Variants in ZFP36 observed in about 807,000 individuals in gnomAD.
ZFP36 encodes mRNA decay activator protein ZFP36.
In ZFP36, 13 loss-of-function variants were observed where a neutral mutation model predicts 19.8. The observed-to-expected ratio is 0.66, with a 90% CI of 0.43 to 1.04. ZFP36 has a LOEUF of 1.04. Among genes scored for constraint, ZFP36 ranks in the 50% least tolerant of loss-of-function variants. ZFP36 has a pLI of 0.00. For synonymous variants in ZFP36, 191 were observed against 194.5 expected (o/e 0.98, Z 0.15); for missense variants, 354 against 441.6 (o/e 0.80, Z 1.78).
chr19:39,409,043 C>G lies in ZFP36; in HGVS notation c.*344C>G, dbSNP rs1170476579. On this transcript the variant is annotated 3_prime_UTR_variant, in exon 2 of 2. Transcript: ENST00000597629. ...ATGTGCTGTGAATAATAGGCCTTCA[C>G]TGCCCCTCCAGTTTTTATAGACCTG... 5.4e-6 allele frequency: 1 copy of G among 183,712 alleles called. No individual in the cohort carries two copies. The highest frequency in any genetic ancestry group is 1.1e-5 in the Non-Finnish European group (1 of 88,922). 11.4% of individuals were successfully genotyped at this position (183,712 alleles called of 1,614,324 possible).
chr19:39,409,204 C>CT lies in ZFP36; in HGVS notation c.*508dup, dbSNP rs2078493348. On this transcript the variant is annotated 3_prime_UTR_variant, in exon 2 of 2. Coordinates refer to ENST00000597629, the MANE Select transcript of ZFP36 (RefSeq NM_003407.5). ...TCAATGGGCCCTTTATTTATGACGA[C>CT]TTTATTTATTCTAATATGATTTTAT... 6.6e-6 allele frequency: 1 copy of CT among 152,552 alleles called. No homozygotes were observed. Among genetic ancestry groups the CT allele is most frequent in the Admixed American group, 6.6e-5 (1 of 15,242 alleles). The allele number at this position is 152,552 out of a possible 1,614,324, so 9.4% of individuals were successfully genotyped here.
chr19:39,407,643 C>T lies in ZFP36; in HGVS notation c.25-100C>T, dbSNP rs1358550286. On this transcript the variant is annotated intron_variant, in intron 1 of 1. Transcript: ENST00000597629. This position sits in a 1 kb window ranked among gnomAD's most constrained non-coding sequence, Gnocchi z 7.6. ...TTTCTGCGGGCGGGTGGGGCTCAGG[C>T]GGGGAGCCCACAAACCGGCCTGGCA... 5.4e-6 allele frequency: 6 copies of T among 1,114,924 alleles called. No homozygotes were observed. The highest frequency in any genetic ancestry group is 1.6e-5 in the African/African-American group (1 of 63,094). The allele number at this position is 1,114,924 out of a possible 1,614,324, so 69.1% of individuals were successfully genotyped here.
In ZFP36 at chr19:39,406,863, T is replaced by C. The variant is rs752411490; in HGVS notation, c.-42T>C. ...GCCAGCCTCAGCCTGACTTCAGCGC[T>C]CCCACTCTCGGCCGACACCCCTCAT... On this transcript the variant is annotated 5_prime_UTR_variant, in exon 1 of 2. Transcript: ENST00000597629. The C allele has an allele frequency of 1.9e-6, 3 of 1,573,286 alleles. No individual in the cohort carries two copies. The highest frequency in any genetic ancestry group is 2.6e-6 in the Non-Finnish European group (3 of 1,160,842).
Position 39,407,733 on chromosome 19 carries a change from A to G in ZFP36, c.25-10A>G, listed in dbSNP as rs1023563661. On this transcript the variant is annotated splice_polypyrimidine_tract_variant and intron_variant, in intron 1 of 1. Transcript: ENST00000597629. The surrounding 1 kb of genome is among the most constrained non-coding windows in gnomAD (Gnocchi z 7.6). ...CATTTTCAGGTGCCTTAACCGACCC[A>G]TTTCCGCAGAGCCTCCTGTCGCTGA... 22 of 1,520,314 alleles carry G rather than the reference A, an allele frequency of 1.4e-5. No individual in the cohort carries two copies. In the Admixed American group the frequency reaches 2.4e-4, roughly 17 times the overall value. 94.2% of individuals were successfully genotyped at this position (1,520,314 alleles called of 1,614,324 possible). A position where few individuals can be genotyped will look rare whatever the true frequency, so the allele number is the denominator to read the frequency against.
At position 39,408,450 on chromosome 19, in the gene ZFP36, C is replaced by A; in HGVS notation, c.732C>A (p.Asp244Glu). 6.2e-7 allele frequency: 1 copy of A among 1,611,096 alleles called. No homozygotes were observed. Among genetic ancestry groups the A allele is most frequent in the Non-Finnish European group, 8.5e-7 (1 of 1,178,284 alleles). The change falls in exon 2 of 2, where the codon GAC becomes GAA. Residue 244 changes from aspartate to glutamate, a missense_variant. Transcript: ENST00000597629. This position sits in a 1 kb window ranked among gnomAD's most constrained non-coding sequence, Gnocchi z 6.0. ...CTGGCACCCCCCTGGCTCGAAGAGA[C>A]CCCACCCCAGTCTGTTGCCCCTCCT... ...AAPGTPLARR[D>E]PTPVCCPSCR...
In ZFP36 at chr19:39,408,709, T is replaced by C. The variant is rs1600634983; in HGVS notation, c.*10T>C. The C allele has an allele frequency of 6.5e-7, 1 of 1,549,008 alleles. No homozygotes were observed. The highest frequency in any genetic ancestry group is 2.2e-5 in the East Asian group (1 of 44,618). On this transcript the variant is annotated 3_prime_UTR_variant, in exon 2 of 2. Coordinates refer to ENST00000597629, the MANE Select transcript of ZFP36 (RefSeq NM_003407.5). This position sits in a 1 kb window ranked among gnomAD's most constrained non-coding sequence, Gnocchi z 6.0. The stretch of plus-strand genomic sequence containing the variant: ...CTCTGTTTCTGAGTGACAAAGTGAC[T>C]GCCCGGTCAGATCAGCTGGATCTCA...
chr19:39,408,363 C>G lies in ZFP36; in HGVS notation c.645C>G (p.Pro215=), dbSNP rs149138506. 2.5e-5 allele frequency: 40 copies of G among 1,613,650 alleles called. No individual in the cohort carries two copies. The highest frequency in any genetic ancestry group is 3.3e-5 in the Non-Finnish European group (39 of 1,179,966). ...GPSLSSSSFS[P]SSSPPPPGDL... ...CCCTGTCCTCCAGCTCCTTCTCGCC[C>G]TCCAGCTCCCCACCACCACCTGGGG... The change falls in exon 2 of 2, where the codon CCC becomes CCG. Residue 215 remains proline, a synonymous_variant. Coordinates refer to ENST00000597629, the MANE Select transcript of ZFP36 (RefSeq NM_003407.5). This position sits in a 1 kb window ranked among gnomAD's most constrained non-coding sequence, Gnocchi z 6.0.
At position 39,407,372 on chromosome 19, in the gene ZFP36, A is replaced by G. The variant is rs2078482457; in HGVS notation, c.25-371A>G. On this transcript the variant is annotated intron_variant, in intron 1 of 1. Transcript: ENST00000597629. The surrounding 1 kb of genome is among the most constrained non-coding windows in gnomAD (Gnocchi z 7.6). ...GACAGAGAACCCTAAAACCGAAGCA[A>G]TCCGGACTTCCAGGTCAACTTTGCC... is the stretch of plus-strand genomic sequence containing the variant. 2.4e-6 allele frequency: 1 copy of G among 412,338 alleles called. No individual in the cohort carries two copies. The allele number at this position is 412,338 out of a possible 1,614,324, so 25.5% of individuals were successfully genotyped here.
At position 39,407,035 on chromosome 19, in the gene ZFP36, A is replaced by C; in HGVS notation, c.24+107A>C. On this transcript the variant is annotated intron_variant, in intron 1 of 1. Transcript: ENST00000597629. This position sits in a 1 kb window ranked among gnomAD's most constrained non-coding sequence, Gnocchi z 7.6. The stretch of plus-strand genomic sequence containing the variant: ...CCGGGACGCTTGCCTCCCTTCTCCA[A>C]CTGGGGCTCCCTAGCGCCGCGCCCT... 1 of 1,401,786 alleles carries C rather than the reference A, an allele frequency of 7.1e-7. No homozygotes were observed. Among genetic ancestry groups the C allele is most frequent in the Non-Finnish European group, 9.7e-7 (1 of 1,032,162 alleles). 86.8% of individuals were successfully genotyped at this position (1,401,786 alleles called of 1,614,324 possible). A position where few individuals can be genotyped will look rare whatever the true frequency, so the allele number is the denominator to read the frequency against.
Position 39,408,087 on chromosome 19 carries a change from G to C in ZFP36, c.369G>C (p.Lys123Asn). The change falls in exon 2 of 2, where the codon AAG becomes AAC. Residue 123 changes from lysine (K) to asparagine (N), a missense_variant. Physicochemically the swap from Lys to Asn is moderately conservative, Grantham distance 94. Transcript: ENST00000597629. This position sits in a 1 kb window ranked among gnomAD's most constrained non-coding sequence, Gnocchi z 6.0. Reference sequence around the variant, plus strand: ...GTGGGCGCTGCCGCTACGGGGCCAAGTGCCAGTTTGCCCATGGCCTGGGCG... The same window carrying C: ...GTGGGCGCTGCCGCTACGGGGCCAACTGCCAGTTTGCCCATGGCCTGGGCG... Reference protein sequence around the residue: ...SESGRCRYGAKCQFAHGLGEL... With the variant: ...SESGRCRYGANCQFAHGLGEL... 6.2e-7 allele frequency: 1 copy of C among 1,613,988 alleles called. No individual in the cohort carries two copies. The highest frequency in any genetic ancestry group is 8.5e-7 in the Non-Finnish European group (1 of 1,180,026).
Position 39,408,569 on chromosome 19 carries a change from A to G in ZFP36, c.851A>G (p.Tyr284Cys). Residue 284 changes from tyrosine to cysteine, a missense_variant, in exon 2 of 2, where the codon TAT becomes TGT. By Grantham distance (194) the Tyr-to-Cys change is radical. Transcript: ENST00000597629. The surrounding 1 kb of genome is among the most constrained non-coding windows in gnomAD (Gnocchi z 6.0). ...VQSLGSDPDE[Y>C]ASSGSSLGGS... is the part of the protein sequence containing the mutation. ...TCCCTGGGATCCGACCCTGATGAAT[A>G]TGCCAGCAGCGGCAGCAGCCTGGGG... The G allele has an allele frequency of 6.2e-7, 1 of 1,613,572 alleles. No individual in the cohort carries two copies. Among genetic ancestry groups the G allele is most frequent in the South Asian group, 1.1e-5 (1 of 91,022 alleles).
In ZFP36 at chr19:39,408,130, C is replaced by T. The variant is rs767277485; in HGVS notation, c.412C>T (p.Arg138Cys). ...CCTGGGCGAGCTGCGCCAGGCCAAT[C>T]GCCACCCCAAATACAAGACGGAACT... is the stretch of plus-strand genomic sequence containing the variant. ...HGLGELRQAN[R>C]HPKYKTELCH... Residue 138 changes from arginine to cysteine, a missense_variant, in exon 2 of 2, where the codon CGC (arginine) becomes TGC (cysteine). Coordinates refer to ENST00000597629, the MANE Select transcript of ZFP36 (RefSeq NM_003407.5). This position sits in a 1 kb window ranked among gnomAD's most constrained non-coding sequence, Gnocchi z 6.0. 1.2e-6 allele frequency: 2 copies of T among 1,613,848 alleles called. No homozygotes were observed. Among genetic ancestry groups the T allele is most frequent in the African/African-American group, 1.3e-5 (1 of 74,940 alleles).
In ZFP36 at chr19:39,407,772, C is replaced by G. The variant is rs530217713; in HGVS notation, c.54C>G (p.Pro18=). The part of the protein sequence containing the change: ...ESLLSLSPDV[P]VPSDHGGTES... ...TCCTGTCGCTGAGCCCTGACGTGCC[C>G]GTGCCATCCGACCATGGAGGGACTG... The change falls in exon 2 of 2, where the codon CCC becomes CCG. Residue 18 remains proline, a synonymous_variant. Transcript: ENST00000597629. This position sits in a 1 kb window ranked among gnomAD's most constrained non-coding sequence, Gnocchi z 7.6. 9 of 1,553,548 alleles carry G rather than the reference C, an allele frequency of 5.8e-6. No individual in the cohort carries two copies. The Admixed American group carries it at 1.6e-4, about 28-fold the overall frequency.
chr19:39,408,258 G>A lies in ZFP36; in HGVS notation c.540G>A (p.Val180=). 1 of 1,613,678 alleles carries A rather than the reference G, an allele frequency of 6.2e-7. No homozygotes were observed. The highest frequency in any genetic ancestry group is 8.5e-7 in the Non-Finnish European group (1 of 1,179,942). The change falls in exon 2 of 2, where the codon GTG becomes GTA. Residue 180 remains valine, a synonymous_variant. Transcript: ENST00000597629. This position sits in a 1 kb window ranked among gnomAD's most constrained non-coding sequence, Gnocchi z 6.0. The part of the protein sequence containing the change: ...EDLAAPGHPP[V]LRQSISFSGL... ...TGGCGGCCCCGGGCCACCCTCCTGTGCTTCGCCAGAGCATCAGCTTCTCCG... is the reference window on the plus strand; with the variant it reads ...TGGCGGCCCCGGGCCACCCTCCTGTACTTCGCCAGAGCATCAGCTTCTCCG...
In ZFP36 at chr19:39,408,395, C is replaced by T. The variant is rs143222116; in HGVS notation, c.677C>T (p.Pro226Leu). 8.1e-6 allele frequency: 13 copies of T among 1,613,808 alleles called. No individual in the cohort carries two copies. In the African/African-American group the frequency reaches 1.7e-4, roughly 22 times the overall value. Residue 226 changes from proline to leucine, a missense_variant, in exon 2 of 2, where the codon CCA becomes CTA. By Grantham distance (98) the Pro-to-Leu change is moderately conservative. Transcript: ENST00000597629. This position sits in a 1 kb window ranked among gnomAD's most constrained non-coding sequence, Gnocchi z 6.0. ...TCCCCACCACCACCTGGGGACCTTC[C>T]ACTGTCACCCTCTGCCTTCTCTGCT... ...SSSPPPPGDL[P>L]LSPSAFSAAP...
chr19:39,406,852 G>A lies in ZFP36; in HGVS notation c.-53G>A, dbSNP rs766307840. ...CGGCTCTCGGTGCCAGCCTCAGCCT[G>A]ACTTCAGCGCTCCCACTCTCGGCCG... On this transcript the variant is annotated 5_prime_UTR_variant, in exon 1 of 2. Coordinates refer to ENST00000597629, the MANE Select transcript of ZFP36 (RefSeq NM_003407.5). 1.9e-6 allele frequency: 3 copies of A among 1,586,052 alleles called. No homozygotes were observed. Among genetic ancestry groups the A allele is most frequent in the African/African-American group, 2.8e-5 (2 of 72,622 alleles).
chr19:39,408,236 C>T lies in ZFP36; in HGVS notation c.518C>T (p.Ala173Val), dbSNP rs778633585. 7 of 1,613,890 alleles carry T rather than the reference C, an allele frequency of 4.3e-6. No homozygotes were observed. The highest frequency in any genetic ancestry group is 3.3e-5 in the Admixed American group (2 of 60,038). ...ATCCACAACCCTAGCGAAGACCTGG[C>T]GGCCCCGGGCCACCCTCCTGTGCTT... ...HFIHNPSEDL[A>V]APGHPPVLRQ... The change falls in exon 2 of 2, where the codon GCG becomes GTG. Residue 173 changes from alanine to valine, a missense_variant. Physicochemically the swap from Ala to Val is moderately conservative, Grantham distance 64. Transcript: ENST00000597629. The surrounding 1 kb of genome is among the most constrained non-coding windows in gnomAD (Gnocchi z 6.0).
rs1445007272 is a variant in ZFP36, at chr19:39,409,138, A to C, written c.*439A>C. ...ATCCTGGTGCTCAAATTACCCTCCA[A>C]AAGCAAGTAGCCAAAGCCGTTGCCA... On this transcript the variant is annotated 3_prime_UTR_variant, in exon 2 of 2. Coordinates refer to ENST00000597629, the MANE Select transcript of ZFP36 (RefSeq NM_003407.5). 1.3e-5 allele frequency: 2 copies of C among 155,472 alleles called. No individual in the cohort carries two copies. The highest frequency in any genetic ancestry group is 3.8e-4 in the East Asian group (2 of 5,260). 9.6% of individuals were successfully genotyped at this position (155,472 alleles called of 1,614,324 possible).
Position 39,408,806 on chromosome 19 carries a change from A to G in ZFP36, c.*107A>G. 2.6e-6 allele frequency: 3 copies of G among 1,135,116 alleles called. No individual in the cohort carries two copies. Among genetic ancestry groups the G allele is most frequent in the Non-Finnish European group, 3.7e-6 (3 of 812,392 alleles). The allele number at this position is 1,135,116 out of a possible 1,614,324, so 70.3% of individuals were successfully genotyped here. A position where few individuals can be genotyped will look rare whatever the true frequency, so the allele number is the denominator to read the frequency against. On this transcript the variant is annotated 3_prime_UTR_variant, in exon 2 of 2. Coordinates refer to ENST00000597629, the MANE Select transcript of ZFP36 (RefSeq NM_003407.5). This position sits in a 1 kb window ranked among gnomAD's most constrained non-coding sequence, Gnocchi z 6.0. ...GGCTGTGGGGACTTGGGGGACAGTA[A>G]TCAAGTAATCCCCTTTTCCAGAATG...
Sources: gnomAD v4.1 joint callset for allele counts on GRCh38, gnomAD v4.1.1 for gene constraint, Gnocchi (gnomAD v3.1) non-coding constraint, MANE v1.5 for transcripts, NCBI Gene and HGNC (gene_info 2026-07-23, HGNC 2026-07-21) for gene names.